MCCC2: variants seen among roughly 807,000 people sequenced by gnomAD.
The protein encoded by MCCC2 is methylcrotonoyl-CoA carboxylase beta chain, mitochondrial.
MCCC2 carries 52 observed loss-of-function variants against 77.2 expected under a neutral mutation model. The observed-to-expected ratio is 0.67, with a 90% CI of 0.54 to 0.85. MCCC2 has a LOEUF of 0.85. MCCC2 is among the 40% of genes least tolerant of loss of function. The pLI, the probability that MCCC2 is intolerant of heterozygous loss-of-function variation, is 0.00. For missense variants in MCCC2, 682 were observed against 703.2 expected, an observed-to-expected ratio of 0.97 and a Z score of 0.34; for synonymous variants, 253 against 248.4, an observed-to-expected ratio of 1.02 and a Z score of -0.18.
At chr5:71,644,901 A>T (rs1325116526) in intron 12 of MCCC2, among the ~76,000 whole-genome samples, 1 of 152,180 alleles carries the variant, frequency 6.6e-6, no homozygotes, top group African/African-American at 2.4e-5. Flanking sequence ...AACAAAAATA[A>T]AAAATCACTT....
intron 4 of MCCC2, among the ~76,000 whole-genome samples, chr5:71,601,780 C>A (rs1053781743): frequency 3.3e-5 from 5 of 152,144 alleles, no homozygotes; most frequent in Non-Finnish European, 5.9e-5. Context: ...TTCAAGGGTA[C>A]CTCTGACCTT....
intron 5 of MCCC2, chr5:71,602,884 T>C (rs1745498576): frequency 4.0e-6 from 2 of 496,766 alleles, no homozygotes; most frequent in Admixed American, 7.6e-5. Context: ...TTGTGTGGTT[T>C]TTTTTTTTTG....
chr5:71,599,882 C>G, intron 4 of MCCC2, 122 bp downstream of exon 4: 1 of 809,308 alleles, frequency 1.2e-6, no homozygotes, highest in Non-Finnish European at 2.1e-6. Context: ...TTATGTAGGA[C>G]TGGCTGGGTG....
Position 71,592,981 on chromosome 5 carries a change from A to G in MCCC2, c.185A>G (p.His62Arg), listed in dbSNP as rs1745040815. Residue 62 changes from histidine (H) to arginine (R), a missense_variant, in exon 2 of 17, where the codon CAT (histidine) becomes CGT (arginine). By Grantham distance (29) the His-to-Arg change is conservative. Transcript: ENST00000340941. ...AATCAGCTCCATGAACGAGTGGAGC[A>G]TATAAAACTAGGTAAACACAGCATT... Reference protein sequence around the residue: ...LVNQLHERVEHIKLGGGEKAR... With the variant: ...LVNQLHERVERIKLGGGEKAR... The G allele has an allele frequency of 6.2e-7, 1 of 1,612,766 alleles. No homozygotes were observed. The highest frequency in any genetic ancestry group is 8.5e-7 in the Non-Finnish European group (1 of 1,178,822).
At chr5:71,623,660 A>G (rs1255223489) in intron 6 of MCCC2, among the ~76,000 whole-genome samples, 1 of 152,160 alleles carries the variant, frequency 6.6e-6, no homozygotes, top group Admixed American at 6.5e-5. Flanking sequence ...CCCACCACAT[A>G]TTCAAGAGGA....
chr5:71,642,209 T>G (rs1580326302), intron 11 of MCCC2, among the ~76,000 whole-genome samples: 13 of 125,176 alleles, frequency 1.0e-4, no homozygotes, highest in African/African-American at 1.2e-4. Context: ...AGAAGGGGAG[T>G]GAGAAGGAGA....
chr5:71,648,953 G>A (rs1419786425), intron 13 of MCCC2, 144 bp from the exon 14 acceptor site: 18 of 946,514 alleles, frequency 1.9e-5, no homozygotes, highest in South Asian at 2.8e-5. Context: ...ACTTTTTAAC[G>A]GTATGTTTCA....
chr5:71,640,691 C>T (rs1033128948), intron 10 of MCCC2, among the ~76,000 whole-genome samples: 2 of 152,166 alleles, frequency 1.3e-5, no homozygotes, highest in African/African-American at 4.8e-5. Context: ...CATTGCATCC[C>T]TGAACCTCTG....
intron 6 of MCCC2, among the ~76,000 whole-genome samples, chr5:71,606,922 A>T (rs1364659301): frequency 6.6e-6 from 1 of 151,340 alleles, no homozygotes; most frequent in African/African-American, 2.4e-5. Flanking sequence ...CCCAGGGATG[A>T]AGCCCACTTG....
intron 10 of MCCC2, among the ~76,000 whole-genome samples, chr5:71,640,712 C>G (rs146109706): frequency 1.2e-3 from 184 of 152,334 alleles, no homozygotes; most frequent in African/African-American, 3.9e-3. Flanking sequence ...CCGGTACATT[C>G]GAACAGTCCT....
intron 15 of MCCC2, among the ~76,000 whole-genome samples, chr5:71,652,034 A>G (rs954892078): frequency 6.6e-6 from 1 of 152,210 alleles, no homozygotes; most frequent in Non-Finnish European, 1.5e-5. Flanking sequence ...GTTTATTTGA[A>G]ATAAGTCTTT....
At chr5:71,625,954 C>G (rs1430779021) in intron 6 of MCCC2, among the ~76,000 whole-genome samples, 2 of 152,092 alleles carry the variant, frequency 1.3e-5, no homozygotes, top group Admixed American at 1.3e-4. Context: ...TCGTTCAATC[C>G]TATTTAGGAG....
At chr5:71,588,152 C>A (rs1469472366) in intron 1 of MCCC2, among the ~76,000 whole-genome samples, 2 of 151,894 alleles carry the variant, frequency 1.3e-5, no homozygotes, top group East Asian at 3.9e-4. Context: ...GCCTGTAATC[C>A]CAGCTACCTG....
chr5:71,616,586 A>G (rs1054256526), intron 6 of MCCC2, among the ~76,000 whole-genome samples: 8 of 152,158 alleles, frequency 5.3e-5, no homozygotes, highest in Admixed American at 3.9e-4. Context: ...ACTTAGGTTC[A>G]AACTAGACAT....
At chr5:71,618,538 T>TTCCC (rs1427989120) in intron 6 of MCCC2, among the ~76,000 whole-genome samples, 3 of 61,692 alleles carry the variant, frequency 4.9e-5, no homozygotes, top group African/African-American at 1.5e-4. Context: ...CCTTCCTTCC[T>TTCCC]TCCTTCCTTC....
chr5:71,592,814 C>A, intron 1 of MCCC2, 112 bp from the exon 2 acceptor site: 2 of 858,128 alleles, frequency 2.3e-6, no homozygotes, highest in Non-Finnish European at 3.8e-6. Flanking sequence ...GTGTGGCGGC[C>A]ACACAGAGTT....
At chr5:71,628,638 C>T (rs1746613148) in intron 7 of MCCC2, among the ~76,000 whole-genome samples, 1 of 152,196 alleles carries the variant, frequency 6.6e-6, no homozygotes, top group Non-Finnish European at 1.5e-5. Context: ...AAAGGACTCT[C>T]CTTTCCCCAT....
intron 1 of MCCC2, among the ~76,000 whole-genome samples, chr5:71,588,312 T>C (rs1275966521): frequency 1.3e-5 from 2 of 149,858 alleles, no homozygotes; most frequent in Non-Finnish European, 1.5e-5. Flanking sequence ...ATAGAAAATA[T>C]CCCACAGTAT....
At chr5:71,648,850 T>C (rs931193333) in intron 13 of MCCC2, among the ~76,000 whole-genome samples, 2 of 152,222 alleles carry the variant, frequency 1.3e-5, no homozygotes, top group African/African-American at 4.8e-5. Flanking sequence ...CATCCTCATA[T>C]TGTTTGAAGG....
Sources: allele counts gnomAD v4.1 joint callset (sites outside exome capture counted in the v4.1 genomes callset), GRCh38; gene constraint gnomAD v4.1.1; transcripts MANE v1.5; gene names NCBI Gene and HGNC (gene_info 2026-07-23, HGNC 2026-07-21).